Variants in PLCXD1 observed in about 807,000 individuals in gnomAD.
The protein encoded by PLCXD1 is phosphatidylinositol specific phospholipase C X domain containing 1.
PLCXD1 carries 45 observed loss-of-function variants against 37.8 expected under a neutral mutation model. The observed-to-expected ratio is 1.19, with a 90% CI of 0.94 to 1.53. The LOEUF is 1.53. PLCXD1 is among the 40% of genes most tolerant of loss of function. The pLI, the probability that PLCXD1 is intolerant of heterozygous loss-of-function variation, is 0.00. For synonymous variants in PLCXD1, 246 were observed against 206.9 expected, an observed-to-expected ratio of 1.19 and a Z score of -1.62; for missense variants, 539 against 454.7, an observed-to-expected ratio of 1.19 and a Z score of -1.69.
chrX:284,315 G>A lies in PLCXD1; in HGVS notation c.127+1G>A. ...CCCCTCCACCACCTCTCCATCCCAG[G>A]TGAGGTTGGGGTGGGGCAGGGGCCG... On this transcript the variant is annotated splice_donor_variant, in intron 2 of 6. Transcript: ENST00000381657. LOFTEE classifies it high-confidence loss of function. 6.2e-7 allele frequency: 1 copy of A among 1,613,034 alleles called. No individual in the cohort carries two copies. The highest frequency in any genetic ancestry group is 8.5e-7 in the Non-Finnish European group (1 of 1,179,834).
chrX:291,729 C>A, intron 5 of PLCXD1, 75 bp downstream of exon 5: 2 of 1,477,154 alleles, frequency 1.4e-6, no homozygotes, highest in Non-Finnish European at 1.9e-6. Flanking sequence ...ATTTGCTGTG[C>A]CCTGGGTGTG....
upstream of PLCXD1, among the ~76,000 whole-genome samples, chrX:278,734 G>A (rs755733740): frequency 9.9e-4 from 77 of 77,682 alleles, no homozygotes; most frequent in African/African-American, 2.9e-3. Context: ...GCAAGACTCC[G>A]TCTCAAAAAA....
upstream of PLCXD1, among the ~76,000 whole-genome samples, chrX:279,974 C>CG (rs1327191625): frequency 1.3e-5 from 2 of 152,042 alleles, no homozygotes; most frequent in African/African-American, 4.8e-5. Flanking sequence ...CTCAGCCTCC[C>CG]AGTAGCTGGG....
chrX:295,825 C>T (rs1266702825), intron 6 of PLCXD1, among the ~76,000 whole-genome samples: 3 of 151,166 alleles, frequency 2.0e-5, no homozygotes, highest in Admixed American at 2.0e-4. Flanking sequence ...CGGTGCCAGG[C>T]GGAAAATTTT....
chrX:285,750 CAT>C (rs1034318443), intron 2 of PLCXD1, among the ~76,000 whole-genome samples: 24 of 152,182 alleles, frequency 1.6e-4, no homozygotes, highest in African/African-American at 5.3e-4. Context: ...TACGGACACA[CAT>C]ACACATGCAC....
intron 2 of PLCXD1, among the ~76,000 whole-genome samples, chrX:287,813 A>T (rs1211199269): frequency 6.6e-6 from 1 of 151,588 alleles, no homozygotes; most frequent in Non-Finnish European, 1.5e-5. Flanking sequence ...CATAGGCAGG[A>T]AATGCAAACG....
At chrX:288,923 C>CG in intron 3 of PLCXD1, 54 bp downstream of exon 3, 1 of 1,562,872 alleles carries the variant, frequency 6.4e-7, no homozygotes, top group Non-Finnish European at 8.8e-7. Context: ...GTGGGGCCCA[C>CG]GGCCCCGTGG....
At chrX:291,145 T>G (rs1377613260) in intron 4 of PLCXD1, among the ~76,000 whole-genome samples, 1 of 151,702 alleles carries the variant, frequency 6.6e-6, no homozygotes, top group Non-Finnish European at 1.5e-5. Context: ...ATTTCTTTTT[T>G]TTTTGCTTTT....
chrX:284,046 A>G (rs2069365271), intron 1 of PLCXD1, 121 bp from the exon 2 acceptor site: 1 of 754,698 alleles, frequency 1.3e-6, no homozygotes, highest in Non-Finnish European at 2.3e-6. Flanking sequence ...GCCCACCACC[A>G]CGCCCAGCTA....
upstream of PLCXD1, among the ~76,000 whole-genome samples, chrX:279,996 G>C (rs1315843982): frequency 1.3e-5 from 2 of 152,012 alleles, no homozygotes; most frequent in Admixed American, 6.5e-5. Flanking sequence ...CTACAGGCGC[G>C]CGCCAGCACG....
At chrX:276,441 G>T (rs984859762), upstream of PLCXD1, 3 of 152,238 alleles carry the variant, frequency 2.0e-5, no homozygotes, top group African/African-American at 4.8e-5. Flanking sequence ...CCCTACGGGG[G>T]ACGTGGCGGG....
At position 288,725 on chromosome X, in the gene PLCXD1, GCT is replaced by G. The variant is rs775721734; in HGVS notation, c.128-4_128-3del. On this transcript the variant is annotated splice_polypyrimidine_tract_variant and splice_region_variant and intron_variant, in intron 2 of 6. Coordinates refer to ENST00000381657, the MANE Select transcript of PLCXD1 (RefSeq NM_018390.4). Reference sequence around the variant, plus strand: ...GGTGACATGTCCGCGTGTGTGCTTTGCTCTCAGGGAGCCACGACACGATGACG... The same window carrying G: ...GGTGACATGTCCGCGTGTGTGCTTTGCTCAGGGAGCCACGACACGATGACG... 1 of 1,613,810 alleles carries G rather than the reference GCT, an allele frequency of 6.2e-7. No individual in the cohort carries two copies. Among genetic ancestry groups the G allele is most frequent in the East Asian group, 2.2e-5 (1 of 44,878 alleles).
At chrX:279,282 G>T (rs1273798623), upstream of PLCXD1, among the ~76,000 whole-genome samples, 3 of 152,034 alleles carry the variant, frequency 2.0e-5, no homozygotes, top group Non-Finnish European at 4.4e-5. Flanking sequence ...GTTTTTCCTT[G>T]GCTGCTCCAG....
intron 6 of PLCXD1, among the ~76,000 whole-genome samples, chrX:295,429 A>T (rs1390337342): frequency 2.0e-5 from 3 of 151,960 alleles, no homozygotes; most frequent in Admixed American, 6.6e-5. Context: ...CCACAGGGGC[A>T]GCATGAAACC....
intron 5 of PLCXD1, 45 bp from the exon 6 acceptor site, chrX:292,990 G>A (rs1199761335): frequency 1.5e-5 from 21 of 1,406,586 alleles, no homozygotes; most frequent in Admixed American, 6.2e-5. Flanking sequence ...AGGTGCCCCC[G>A]GCTCTCCTCT....
At chrX:296,422 C>G (rs1203693391) in intron 6 of PLCXD1, among the ~76,000 whole-genome samples, 1 of 152,170 alleles carries the variant, frequency 6.6e-6, no homozygotes, top group Non-Finnish European at 1.5e-5. Flanking sequence ...CGTGCCCAGC[C>G]TAGAAATACG....
In PLCXD1 at chrX:299,233, G is replaced by C; in HGVS notation, c.870G>C (p.Gly290=). The C allele has an allele frequency of 6.2e-7, 1 of 1,613,910 alleles. No homozygotes were observed. Among genetic ancestry groups the C allele is most frequent in the South Asian group, 1.1e-5 (1 of 91,076 alleles). Residue 290 remains glycine, a synonymous_variant, in exon 7 of 7, where the codon GGG becomes GGC. Transcript: ENST00000381657. ...CGTGGGTCCGAGAGCAGTGCCCGGG[G>C]CCGGGTTCACGGTGCACCAACATCA... ...LSAWVREQCP[G]PGSRCTNIIA... is the part of the protein sequence containing the mutation.
intron 2 of PLCXD1, among the ~76,000 whole-genome samples, chrX:284,687 C>T (rs948467568): frequency 6.6e-5 from 10 of 152,142 alleles, no homozygotes; most frequent in South Asian, 2.1e-4. Context: ...TGCACACATA[C>T]GCATGTGCAT....
In PLCXD1 at chrX:300,470, G is replaced by GTGTGTA. The variant is rs2069972654; in HGVS notation, c.*1140_*1141insATGTGT. The GTGTGTA allele has an allele frequency of 6.6e-6, 1 of 150,512 alleles. No homozygotes were observed. The highest frequency in any genetic ancestry group is 2.5e-5 in the African/African-American group (1 of 40,368). The allele number at this position is 150,512 out of a possible 1,614,324, so 9.3% of individuals were successfully genotyped here. ...TGTTTATACATGTGTATATGTGTGT[G>GTGTGTA]TGTGTGTGTATATGTGTGTATGTGT... On this transcript the variant is annotated 3_prime_UTR_variant, in exon 7 of 7. Transcript: ENST00000381657.
Sources: gnomAD v4.1 joint callset for allele counts (sites outside exome capture counted in the v4.1 genomes callset) on GRCh38, gnomAD v4.1.1 for gene constraint, MANE v1.5 for transcripts, NCBI Gene and HGNC (gene_info 2026-07-23, HGNC 2026-07-21) for gene names.